The following RARB variants were observed in gnomAD, a reference collection of about 807,000 sequenced individuals.
RARB encodes HBV-activated protein.
Under a neutral mutation model 51.9 loss-of-function variants are expected in RARB, and 17 were observed. That is an observed-to-expected ratio of 0.33 (90% CI 0.22 to 0.49). The LOEUF is 0.49. Among genes scored for constraint, RARB ranks in the 20% least tolerant of loss-of-function variants. RARB has a pLI of 0.99. For synonymous variants in RARB, 215 were observed against 195.4 expected, an observed-to-expected ratio of 1.10 and a Z score of -0.84; for missense variants, 369 against 550.8, an observed-to-expected ratio of 0.67 and a Z score of 3.30.
chr3:25,166,731 G>A (rs925039989), intron 4 of RARB, among the ~76,000 whole-genome samples: 26 of 152,188 alleles, frequency 1.7e-4, no homozygotes, highest in African/African-American at 6.3e-4. Context: ...AGGAAGCACA[G>A]TGTAAAACTA....
rs149493654 is a variant in RARB, at chr3:25,364,498, A to G, written c.179-96695A>G. On this transcript the variant is annotated intron_variant, in intron 5 of 11. Coordinates refer to the RARB transcript ENST00000383772. Reference sequence around the variant, plus strand: ...ACATTCTAAGATTCATCATCCAAGGACCCAAGATTAAGAACCTATGTCCTA... The same window carrying G: ...ACATTCTAAGATTCATCATCCAAGGGCCCAAGATTAAGAACCTATGTCCTA... Among the ~76,000 whole-genome samples, 587 of 152,310 alleles carry G rather than the reference A, an allele frequency of 3.9e-3. 2 individuals are homozygous for G. The highest frequency in any genetic ancestry group is 0.013 in the African/African-American group (553 of 41,568).
At chr3:25,322,919 A>G (rs1704612620) in intron 5 of RARB, among the ~76,000 whole-genome samples, 1 of 152,172 alleles carries the variant, frequency 6.6e-6, no homozygotes, top group African/African-American at 2.4e-5. Context: ...TAAAACAAGA[A>G]CCATTCTATT....
At chr3:25,130,564 T>G (rs189541494) in intron 3 of RARB, among the ~76,000 whole-genome samples, 2 of 152,084 alleles carry the variant, frequency 1.3e-5, no homozygotes, top group East Asian at 1.9e-4. Flanking sequence ...TGCATTTTTT[T>G]CTCTCACTCT....
intron 5 of RARB, among the ~76,000 whole-genome samples, chr3:25,308,208 A>G (rs2125431700): frequency 6.6e-6 from 1 of 152,304 alleles, no homozygotes; most frequent in Non-Finnish European, 1.5e-5. Context: ...GATTATCACA[A>G]TAATCTTTTT....
rs1434506830 is a variant in RARB, at chr3:25,597,603, C to T, written c.*987C>T. 1 of 152,164 alleles carries T rather than the reference C, an allele frequency of 6.6e-6. No homozygotes were observed. The highest frequency in any genetic ancestry group is 2.4e-5 in the African/African-American group (1 of 41,340). 9.4% of individuals were successfully genotyped at this position (152,164 alleles called of 1,614,324 possible). A position where few individuals can be genotyped will look rare whatever the true frequency, so the allele number is the denominator to read the frequency against. On this transcript the variant is annotated 3_prime_UTR_variant, in exon 8 of 8. Transcript: ENST00000330688. ...TGCCTGATATTGGGATTTTTTTTTCCAGCCTTCTTGATGCCAAGGGGCTAA... is the reference window on the plus strand; with the variant it reads ...TGCCTGATATTGGGATTTTTTTTTCTAGCCTTCTTGATGCCAAGGGGCTAA...
intron 5 of RARB, among the ~76,000 whole-genome samples, chr3:25,256,872 G>T (rs5012518): frequency 1 from 152,220 of 152,222 alleles, 76,109 homozygotes; most frequent in Middle Eastern, 1. Flanking sequence ...TTTAGAGGTC[G>T]TGAAGGATAG....
In RARB at chr3:25,408,948, C is replaced by T. The variant is rs142737624; in HGVS notation, c.179-52245C>T. On this transcript the variant is annotated intron_variant, in intron 5 of 11. Coordinates refer to the RARB transcript ENST00000383772. The stretch of plus-strand genomic sequence containing the variant: ...ACTTGGGGGGCTGAGGCAGGAGAAC[C>T]GCTTGAACCCAGGAGGAGGAGGTTG... Among the ~76,000 whole-genome samples, 1,451 of 152,214 alleles carry T rather than the reference C, an allele frequency of 9.5e-3. 8 individuals carry two copies. The highest frequency in any genetic ancestry group is 0.014 in the Non-Finnish European group (944 of 68,012).
intron 3 of RARB, among the ~76,000 whole-genome samples, chr3:25,076,294 C>T (rs1307437632): frequency 6.6e-6 from 1 of 152,130 alleles, no homozygotes; most frequent in Non-Finnish European, 1.5e-5. Flanking sequence ...GTACCCACCA[C>T]CATTCCGGCT....
intron 2 of RARB, among the ~76,000 whole-genome samples, chr3:24,921,842 C>A (rs1004212037): frequency 4.5e-4 from 69 of 152,208 alleles, no homozygotes; most frequent in Admixed American, 1.5e-3. Context: ...TTAGATGATG[C>A]AGAATCCTAA....
chr3:24,857,703 G>T (rs1447694566), intron 1 of RARB, among the ~76,000 whole-genome samples: 4 of 152,110 alleles, frequency 2.6e-5, no homozygotes, highest in Non-Finnish European at 5.9e-5. Context: ...ATCATTGAGC[G>T]TAGGAGTTCA....
At chr3:25,186,339 C>A (rs184701334) in intron 5 of RARB, among the ~76,000 whole-genome samples, 1 of 151,774 alleles carries the variant, frequency 6.6e-6, no homozygotes, top group Admixed American at 6.6e-5. Context: ...TTGAAACACA[C>A]GGCTGGTGAG....
chr3:25,508,275 C>T (rs1367191612), intron 3 of RARB, among the ~76,000 whole-genome samples: 1 of 152,136 alleles, frequency 6.6e-6, no homozygotes, highest in Admixed American at 6.5e-5. Flanking sequence ...CCAATTTATA[C>T]TTTAGACATG....
intron 5 of RARB, among the ~76,000 whole-genome samples, chr3:25,370,616 G>A (rs944513559): frequency 1.3e-5 from 2 of 152,214 alleles, no homozygotes; most frequent in Admixed American, 6.5e-5. Context: ...AGGCAGGCCT[G>A]GAGAATGGTG....
At chr3:25,100,720 T>A (rs1351739344) in intron 3 of RARB, among the ~76,000 whole-genome samples, 1 of 152,188 alleles carries the variant, frequency 6.6e-6, no homozygotes, top group Admixed American at 6.5e-5. Context: ...GAAATTTTCA[T>A]CCTGTGTTAC....
chr3:24,963,981 T>C (rs1395653747), intron 2 of RARB, among the ~76,000 whole-genome samples: 1 of 152,176 alleles, frequency 6.6e-6, no homozygotes, highest in Non-Finnish European at 1.5e-5. Context: ...AGGGCTTCCA[T>C]ACCTGACAAA....
chr3:25,260,264 C>T (rs1702964390), intron 5 of RARB, among the ~76,000 whole-genome samples: 1 of 152,092 alleles, frequency 6.6e-6, no homozygotes, highest in Non-Finnish European at 1.5e-5. Flanking sequence ...GACAAGAAAG[C>T]TGCAGTATTT....
chr3:25,167,917 A>T (rs1046433133), intron 4 of RARB, among the ~76,000 whole-genome samples: 1 of 152,232 alleles, frequency 6.6e-6, no homozygotes, highest in Non-Finnish European at 1.5e-5. Flanking sequence ...CAATGGAGTT[A>T]TCCAAGAGTC....
At chr3:25,337,969 A>G (rs1368713688) in intron 5 of RARB, among the ~76,000 whole-genome samples, 1 of 152,120 alleles carries the variant, frequency 6.6e-6, no homozygotes, top group African/African-American at 2.4e-5. Context: ...GGTCAATTAG[A>G]TCTAAAAACT....
chr3:25,428,121 G>A, upstream of RARB: 2 of 799,516 alleles, frequency 2.5e-6, no homozygotes, highest in Non-Finnish European at 3.3e-6. Flanking sequence ...CTTTTGCAGG[G>A]CTGCTGGGAG....
Sources: allele counts gnomAD v4.1 joint callset (sites outside exome capture counted in the v4.1 genomes callset), GRCh38; gene constraint gnomAD v4.1.1; transcripts MANE v1.5; gene names NCBI Gene and HGNC (gene_info 2026-07-23, HGNC 2026-07-21).